SP3: variants seen among roughly 807,000 people sequenced by gnomAD.
The protein encoded by SP3 is Sp3 transcription factor, also known as transcription factor Sp3.
A neutral mutation model predicts 70.3 loss-of-function variants in SP3; 10 were observed. The ratio of observed to expected loss-of-function variants is 0.14; its 90% CI spans 0.09 to 0.24. The LOEUF (loss-of-function observed/expected upper bound fraction) is 0.24, where lower values mean the gene tolerates loss of function less well. SP3 is among the 10% of genes least tolerant of loss of function. SP3 has a pLI of 1.00. For missense variants in SP3, 825 were observed against 914.6 expected, an observed-to-expected ratio of 0.90 and a Z score of 1.26; for synonymous variants, 402 against 333.5, an observed-to-expected ratio of 1.21 and a Z score of -2.24.
chr2:173,937,731 T>C (rs980838652), intron 4 of SP3, among the ~76,000 whole-genome samples: 1 of 152,128 alleles, frequency 6.6e-6, no homozygotes, highest in Non-Finnish European at 1.5e-5. Context: ...ATCTCCAATA[T>C]ATACCAAAGT....
intron 2 of SP3, 146 bp downstream of exon 2, chr2:173,964,259 G>C: frequency 2.0e-6 from 1 of 511,332 alleles, no homozygotes; most frequent in Non-Finnish European, 3.4e-6. Context: ...GGCGCCTCGG[G>C]CGGGCAGCTC....
intron 3 of SP3, among the ~76,000 whole-genome samples, chr2:173,961,778 T>TA (rs1691087857): frequency 6.6e-6 from 1 of 152,214 alleles, no homozygotes; most frequent in African/African-American, 2.4e-5. Context: ...TAAGATGTGC[T>TA]GAAAAGATGT....
At chr2:173,953,687 G>C (rs1331623004) in intron 4 of SP3, among the ~76,000 whole-genome samples, 1 of 151,640 alleles carries the variant, frequency 6.6e-6, no homozygotes, top group Non-Finnish European at 1.5e-5. Flanking sequence ...AGAATTGCTT[G>C]AACCCAGAAG....
At chr2:173,922,758 T>C (rs898376520) in intron 4 of SP3, among the ~76,000 whole-genome samples, 6 of 152,174 alleles carry the variant, frequency 3.9e-5, no homozygotes, top group African/African-American at 1.4e-4. Flanking sequence ...GGATATAACA[T>C]TGTGGTAATC....
intron 6 of SP3, among the ~76,000 whole-genome samples, chr2:173,910,612 T>C (rs1689452629): frequency 6.6e-6 from 1 of 152,204 alleles, no homozygotes. Context: ...AAAGTCTAAA[T>C]AAAAGTATAT....
chr2:173,947,843 A>G (rs1361379741), intron 4 of SP3, among the ~76,000 whole-genome samples: 1 of 152,142 alleles, frequency 6.6e-6, no homozygotes, highest in East Asian at 1.9e-4. Context: ...GCAAGCCCCA[A>G]AACTCATATA....
chr2:173,953,374 A>G (rs1260950920), intron 4 of SP3, among the ~76,000 whole-genome samples: 1 of 152,200 alleles, frequency 6.6e-6, no homozygotes, highest in African/African-American at 2.4e-5. Flanking sequence ...CACAGATCAC[A>G]TTTTAAGAAC....
chr2:173,956,232 T>A lies in SP3; in HGVS notation c.280A>T (p.Thr94Ser). 1 of 1,577,696 alleles carries A rather than the reference T, an allele frequency of 6.3e-7. No homozygotes were observed. Among genetic ancestry groups the A allele is most frequent in the Non-Finnish European group, 8.6e-7 (1 of 1,162,318 alleles). Residue 94 changes from threonine to serine, a missense_variant and splice_region_variant, in exon 4 of 7, where the codon ACA becomes TCA. By Grantham distance (58) the Thr-to-Ser change is moderately conservative. Transcript: ENST00000310015. ...AACTGTGCAGAAGCCAAATCACCTGTCTGGATGAAGAAAACAAAAAGGTGA... is the reference window on the plus strand; with the variant it reads ...AACTGTGCAGAAGCCAAATCACCTGACTGGATGAAGAAAACAAAAAGGTGA... ...AAGAPAAAGA[T>S]GDLASAQLGG...
Position 173,965,185 on chromosome 2 carries a change from C to T in SP3, c.-14G>A, listed in dbSNP as rs1213622122. On this transcript the variant is annotated 5_prime_UTR_variant, in exon 1 of 7. Transcript: ENST00000310015. ...CGTACCGGTCATAGTGTGTTTAGGG[C>T]ACCTCAGGCGGGGCTCCCCGCCGCC... 1 of 1,547,172 alleles carries T rather than the reference C, an allele frequency of 6.5e-7. No individual in the cohort carries two copies. Among genetic ancestry groups the T allele is most frequent in the Admixed American group, 2.0e-5 (1 of 50,786 alleles).
chr2:173,961,550 T>A (rs1441707506), intron 3 of SP3, among the ~76,000 whole-genome samples: 1 of 152,246 alleles, frequency 6.6e-6, no homozygotes, highest in Non-Finnish European at 1.5e-5. Flanking sequence ...AATGTTCATG[T>A]CTTAATTTGG....
chr2:173,942,917 A>G (rs73028256), intron 4 of SP3, among the ~76,000 whole-genome samples: 6,258 of 152,278 alleles, frequency 0.041, 198 homozygotes, highest in Admixed American at 0.1. Context: ...AACTATATAT[A>G]TAGCATTTAC....
At chr2:173,927,825 T>C (rs369724578) in intron 4 of SP3, among the ~76,000 whole-genome samples, 14 of 152,348 alleles carry the variant, frequency 9.2e-5, no homozygotes, top group African/African-American at 3.1e-4. Context: ...TTATGATATC[T>C]TGAACAAAAA....
chr2:173,937,126 T>C (rs949553197), intron 4 of SP3, among the ~76,000 whole-genome samples: 2 of 152,164 alleles, frequency 1.3e-5, no homozygotes, highest in Non-Finnish European at 2.9e-5. Flanking sequence ...AAGCACACAG[T>C]TGACTATTTA....
In SP3 at chr2:173,905,262, G is replaced by T. The variant is rs563647397; in HGVS notation, c.*4679C>A. On this transcript the variant is annotated 3_prime_UTR_variant, in exon 7 of 7. Coordinates refer to ENST00000310015, the MANE Select transcript of SP3 (RefSeq NM_003111.5). ...GAAAAATGGAATCTCCAGAGTTAAG[G>T]GGGGAGGAAGGCATTGGAAGGAGGT... is the stretch of plus-strand genomic sequence containing the variant. Among the ~76,000 whole-genome samples the T allele has an allele frequency of 2.0e-5, 3 of 152,192 alleles. No homozygotes were observed. Among genetic ancestry groups the T allele is most frequent in the African/African-American group, 4.8e-5 (2 of 41,444 alleles).
At chr2:173,921,851 G>C (rs1167579023) in intron 4 of SP3, among the ~76,000 whole-genome samples, 2 of 152,166 alleles carry the variant, frequency 1.3e-5, no homozygotes, top group Non-Finnish European at 2.9e-5. Flanking sequence ...TCTTGGCACT[G>C]TCCTTGCAAT....
chr2:173,923,022 G>T (rs931269905), intron 4 of SP3, among the ~76,000 whole-genome samples: 4 of 152,184 alleles, frequency 2.6e-5, no homozygotes, highest in Non-Finnish European at 4.4e-5. Flanking sequence ...GCAGTATAAA[G>T]AAATGAATGT....
At chr2:173,944,988 T>C (rs1034886876) in intron 4 of SP3, among the ~76,000 whole-genome samples, 1 of 152,160 alleles carries the variant, frequency 6.6e-6, no homozygotes, top group African/African-American at 2.4e-5. Context: ...TTGTTCAAGA[T>C]GCATTTAATA....
In SP3 at chr2:173,956,248, A is replaced by C; in HGVS notation, c.280-16T>G. The C allele has an allele frequency of 6.4e-7, 1 of 1,558,882 alleles. No individual in the cohort carries two copies. The highest frequency in any genetic ancestry group is 8.7e-7 in the Non-Finnish European group (1 of 1,155,576). On this transcript the variant is annotated splice_polypyrimidine_tract_variant and intron_variant, in intron 3 of 6. Coordinates refer to ENST00000310015, the MANE Select transcript of SP3 (RefSeq NM_003111.5). Reference sequence around the variant, plus strand: ...AATCACCTGTCTGGATGAAGAAAACAAAAAGGTGATATATTTGTGGTATAT... The same window carrying C: ...AATCACCTGTCTGGATGAAGAAAACCAAAAGGTGATATATTTGTGGTATAT...
In SP3 at chr2:173,920,415, T is replaced by C. The variant is rs562237059; in HGVS notation, c.1640-1630A>G. On this transcript the variant is annotated intron_variant, in intron 4 of 6. Coordinates refer to ENST00000310015, the MANE Select transcript of SP3 (RefSeq NM_003111.5). Reference sequence around the variant, plus strand: ...TATAAACACGAAGAGGGAACCCTAATGTAGAGTATGGACTTTGGGTGATAA... The same window carrying C: ...TATAAACACGAAGAGGGAACCCTAACGTAGAGTATGGACTTTGGGTGATAA... Among the ~76,000 whole-genome samples the C allele has an allele frequency of 3.9e-5, 6 of 152,244 alleles. No homozygotes were observed. In the East Asian group the frequency reaches 1.2e-3, roughly 29 times the overall value.
Sources: allele counts gnomAD v4.1 joint callset (sites outside exome capture counted in the v4.1 genomes callset), GRCh38; gene constraint gnomAD v4.1.1; transcripts MANE v1.5; gene names NCBI Gene and HGNC (gene_info 2026-07-23, HGNC 2026-07-21).